TNFRSF1B: variants seen among roughly 807,000 people sequenced by gnomAD.
TNFRSF1B encodes TNF receptor superfamily member 1B.
A neutral mutation model predicts 44.6 loss-of-function variants in TNFRSF1B; 19 were observed. The ratio of observed to expected loss-of-function variants is 0.43; its 90% CI spans 0.30 to 0.62. The LOEUF is 0.62. Among genes scored for constraint, TNFRSF1B ranks in the 20% least tolerant of loss-of-function variants. TNFRSF1B has a pLI of 0.16. For missense variants in TNFRSF1B, 541 were observed against 619.9 expected, an observed-to-expected ratio of 0.87 and a Z score of 1.35; for synonymous variants, 252 against 261.1, an observed-to-expected ratio of 0.97 and a Z score of 0.34.
Position 12,207,599 on chromosome 1 carries a change from G to A in TNFRSF1B, c.*579G>A, listed in dbSNP as rs921626792. 6.5e-6 allele frequency: 1 copy of A among 152,952 alleles called. No individual in the cohort carries two copies. Among genetic ancestry groups the A allele is most frequent in the Non-Finnish European group, 1.5e-5 (1 of 68,658 alleles). 9.5% of individuals were successfully genotyped at this position (152,952 alleles called of 1,614,324 possible). A position where few individuals can be genotyped will look rare whatever the true frequency, so the allele number is the denominator to read the frequency against. ...GTAGGGAACGGGGTCCTTCAAGTTA[G>A]CTCAGGAGGCTTGGAAAGCATCACC... On this transcript the variant is annotated 3_prime_UTR_variant, in exon 10 of 10. Transcript: ENST00000376259.
intron 8 of TNFRSF1B, among the ~76,000 whole-genome samples, chr1:12,200,633 T>C (rs920486925): frequency 2.6e-5 from 4 of 152,164 alleles, no homozygotes; most frequent in African/African-American, 9.7e-5. Context: ...AATTATTCTT[T>C]TTTTTTGAGA....
At chr1:12,183,695 TCTA>T (rs879414300) in intron 1 of TNFRSF1B, among the ~76,000 whole-genome samples, 3,170 of 127,584 alleles carry the variant, frequency 0.025, 66 homozygotes, top group Non-Finnish European at 0.029. Context: ...TATCTATCTA[TCTA>T]TCTATCTATC....
At chr1:12,182,224 G>A (rs185318392) in intron 1 of TNFRSF1B, among the ~76,000 whole-genome samples, 132 of 152,320 alleles carry the variant, frequency 8.7e-4, no homozygotes, top group African/African-American at 3.1e-3. Context: ...GATTCAGAGA[G>A]GCTATGATGC....
intron 9 of TNFRSF1B, among the ~76,000 whole-genome samples, chr1:12,205,867 A>T (rs1639491838): frequency 6.6e-6 from 1 of 151,920 alleles, no homozygotes; most frequent in Non-Finnish European, 1.5e-5. Context: ...ACCTCAGGCG[A>T]TCCACCTGCC....
chr1:12,194,901 G>T (rs1639233270), intron 8 of TNFRSF1B, among the ~76,000 whole-genome samples: 1 of 152,238 alleles, frequency 6.6e-6, no homozygotes, highest in African/African-American at 2.4e-5. Flanking sequence ...ATGTGAAATT[G>T]CTCTATGGCT....
Position 12,187,230 on chromosome 1 carries a change from T to G in TNFRSF1B, c.79-1566T>G, listed in dbSNP as rs764473949. 1.3e-5 allele frequency among the ~76,000 whole-genome samples: 2 copies of G among 151,732 alleles called. No individual in the cohort carries two copies. The highest frequency in any genetic ancestry group is 2.9e-5 in the Non-Finnish European group (2 of 67,898). On this transcript the variant is annotated intron_variant, in intron 1 of 9. Transcript: ENST00000376259. The surrounding 1 kb of genome is among the most constrained non-coding windows in gnomAD (Gnocchi z 5.5). ...GTGCAGTGGCATGATCTCAGCTCAC[T>G]GCAACCTCCTCCTCCCAGGTTCAGG...
chr1:12,188,989 C>T, intron 2 of TNFRSF1B, 94 bp downstream of exon 2: 1 of 1,105,946 alleles, frequency 9.0e-7, no homozygotes, highest in African/African-American at 1.6e-5. Flanking sequence ...TTGATTCTTA[C>T]TGAACTCCTA....
intron 1 of TNFRSF1B, among the ~76,000 whole-genome samples, chr1:12,174,163 TCTCCTTCTCCTTCTCCTTCTC>T (rs1557623696): frequency 4.6e-4 from 29 of 62,704 alleles, no homozygotes; most frequent in African/African-American, 1.4e-3. Flanking sequence ...TTCTTCTTCT[TCTCCTTCTCCTTCTCCTTCTC>T]CTTCTCCTTC....
intron 1 of TNFRSF1B, among the ~76,000 whole-genome samples, chr1:12,167,715 C>T (rs1474466844): frequency 6.6e-6 from 1 of 152,214 alleles, no homozygotes; most frequent in African/African-American, 2.4e-5. Context: ...GTGTCAGGTC[C>T]ACTGAGGGCA....
intron 1 of TNFRSF1B, among the ~76,000 whole-genome samples, chr1:12,176,079 C>T (rs1360106145): frequency 1.3e-5 from 2 of 150,994 alleles, no homozygotes; most frequent in African/African-American, 4.9e-5. Context: ...ATTAGCCAGG[C>T]GTGGTGGTGT....
rs1638528743 is a variant in TNFRSF1B at position 12,171,754 on chromosome 1, C to T, written c.78+4585C>T. On this transcript the variant is annotated intron_variant, in intron 1 of 9. Coordinates refer to ENST00000376259, the MANE Select transcript of TNFRSF1B (RefSeq NM_001066.3). This position sits in a 1 kb window ranked among gnomAD's most constrained non-coding sequence, Gnocchi z 4.5. Reference sequence around the variant, plus strand: ...CTCTACTTATTGGATGGCAGTAGCGCCACCCTCCCTCGTGACAAAAATATC... The same window carrying T: ...CTCTACTTATTGGATGGCAGTAGCGTCACCCTCCCTCGTGACAAAAATATC... Among the ~76,000 whole-genome samples, 1 of 152,094 alleles carries T rather than the reference C, an allele frequency of 6.6e-6. No individual in the cohort carries two copies. Among genetic ancestry groups the T allele is most frequent in the African/African-American group, 2.4e-5 (1 of 41,388 alleles).
intron 8 of TNFRSF1B, among the ~76,000 whole-genome samples, chr1:12,195,361 G>A (rs1178816331): frequency 1.3e-5 from 2 of 152,312 alleles, no homozygotes; most frequent in South Asian, 2.1e-4. Flanking sequence ...CAAGGGGTTG[G>A]TGTCTGCTGG....
chr1:12,205,644 T>C lies in TNFRSF1B; in HGVS notation c.1106-1096T>C, dbSNP rs532004886. Among the ~76,000 whole-genome samples the C allele has an allele frequency of 2.7e-4, 41 of 152,222 alleles. 1 individual carries two copies. Among genetic ancestry groups the C allele is most frequent in the African/African-American group, 2.9e-4 (12 of 41,546 alleles). On this transcript the variant is annotated intron_variant, in intron 9 of 9. Transcript: ENST00000376259. ...CTTTTGTTTTTGTTTGTTTTTGAGA[T>C]GGAGTTTGGCTCTTTCGCCCAGGCT...
chr1:12,169,241 G>A lies in TNFRSF1B; in HGVS notation c.78+2072G>A, dbSNP rs1638469192. On this transcript the variant is annotated intron_variant, in intron 1 of 9. Transcript: ENST00000376259. The surrounding 1 kb of genome is among the most constrained non-coding windows in gnomAD (Gnocchi z 4.5). ...TTTTATCCCCCTCAGTGGATGGAAGGTGTCTTCAGGGCCAGAACTGTGGGT... is the reference window on the plus strand; with the variant it reads ...TTTTATCCCCCTCAGTGGATGGAAGATGTCTTCAGGGCCAGAACTGTGGGT... Among the ~76,000 whole-genome samples, 1 of 152,186 alleles carries A rather than the reference G, an allele frequency of 6.6e-6. No homozygotes were observed. Among genetic ancestry groups the A allele is most frequent in the African/African-American group, 2.4e-5 (1 of 41,438 alleles).
At chr1:12,196,017 T>A (rs1639258120) in intron 8 of TNFRSF1B, among the ~76,000 whole-genome samples, 1 of 152,064 alleles carries the variant, frequency 6.6e-6, no homozygotes, top group African/African-American at 2.4e-5. Context: ...AAAAAGGATC[T>A]TGGCTGGGCA....
chr1:12,179,826 T>C (rs1294116655), intron 1 of TNFRSF1B, among the ~76,000 whole-genome samples: 1 of 152,140 alleles, frequency 6.6e-6, no homozygotes, highest in East Asian at 1.9e-4. Flanking sequence ...ATCTGTAAAA[T>C]GGATCATCCT....
chr1:12,204,527 C>A (rs929298596), intron 9 of TNFRSF1B, among the ~76,000 whole-genome samples: 12 of 152,162 alleles, frequency 7.9e-5, no homozygotes, highest in African/African-American at 2.9e-4. Flanking sequence ...GCAGCAACAG[C>A]AGCAGCAACT....
At chr1:12,175,115 G>T (rs999383909) in intron 1 of TNFRSF1B, among the ~76,000 whole-genome samples, 31 of 152,328 alleles carry the variant, frequency 2.0e-4, no homozygotes, top group African/African-American at 7.5e-4. Context: ...GACAGGGAGG[G>T]GGGAGGACAT....
chr1:12,175,009 T>C (rs2101080592), intron 1 of TNFRSF1B, among the ~76,000 whole-genome samples: 1 of 152,344 alleles, frequency 6.6e-6, no homozygotes, highest in South Asian at 2.1e-4. Flanking sequence ...AGCGTGGCCC[T>C]GCACTAGTGA....
Sources: gnomAD v4.1 joint callset for allele counts (sites outside exome capture counted in the v4.1 genomes callset) on GRCh38, gnomAD v4.1.1 for gene constraint, Gnocchi (gnomAD v3.1) non-coding constraint, MANE v1.5 for transcripts, NCBI Gene and HGNC (gene_info 2026-07-23, HGNC 2026-07-21) for gene names.